The following ADGRL2 variants were observed in gnomAD, a reference collection of about 807,000 sequenced individuals.
The protein encoded by ADGRL2 is adhesion G protein-coupled receptor L2.
Under a neutral mutation model 157.4 loss-of-function variants are expected in ADGRL2, and 44 were observed. The observed-to-expected ratio is 0.28, with a 90% CI of 0.22 to 0.36. The LOEUF (loss-of-function observed/expected upper bound fraction) is 0.36. ADGRL2 is among the 10% of genes least tolerant of loss of function. The probability of loss-of-function intolerance (pLI) is 1.00; values close to 1 mark genes in which losing one functional copy is unlikely to be tolerated. For synonymous variants in ADGRL2, 585 were observed against 624.7 expected (o/e 0.94, Z 0.95); for missense variants, 1,510 against 1,768.9 (o/e 0.85, Z 2.63).
intron 1 of ADGRL2, among the ~76,000 whole-genome samples, chr1:81,433,783 A>T (rs2077363413): frequency 6.6e-6 from 1 of 152,180 alleles, no homozygotes; most frequent in African/African-American, 2.4e-5. Flanking sequence ...GATTGACTGG[A>T]CTCTGTTGGG....
At chr1:81,474,154 T>C (rs1009539975) in intron 2 of ADGRL2, among the ~76,000 whole-genome samples, 4 of 152,194 alleles carry the variant, frequency 2.6e-5, no homozygotes, top group African/African-American at 9.7e-5. Flanking sequence ...CGTTTGAGTT[T>C]GGATAGAATG....
At chr1:81,677,417 T>C (rs979809762) in intron 3 of ADGRL2, among the ~76,000 whole-genome samples, 3 of 152,204 alleles carry the variant, frequency 2.0e-5, no homozygotes, top group Non-Finnish European at 4.4e-5. Flanking sequence ...ATTGTTTATG[T>C]CACATTGCTA....
At chr1:81,443,752 TAA>T (rs2101692757) in intron 1 of ADGRL2, among the ~76,000 whole-genome samples, 1 of 152,324 alleles carries the variant, frequency 6.6e-6, no homozygotes, top group South Asian at 2.1e-4. Context: ...ATTCCTACCT[TAA>T]GTTAGTATTT....
intron 2 of ADGRL2, among the ~76,000 whole-genome samples, chr1:81,879,308 G>A (rs1464855917): frequency 6.6e-6 from 1 of 152,074 alleles, no homozygotes; most frequent in Non-Finnish European, 1.5e-5. Flanking sequence ...AGAATACTTA[G>A]AAGTAGTGTT....
chr1:81,539,205 T>C (rs189666285), intron 2 of ADGRL2, among the ~76,000 whole-genome samples: 1 of 152,156 alleles, frequency 6.6e-6, no homozygotes, highest in African/African-American at 2.4e-5. Flanking sequence ...TATTTTTGTG[T>C]CAGACTGTGT....
intron 2 of ADGRL2, among the ~76,000 whole-genome samples, chr1:81,460,775 A>C (rs1465317750): frequency 1.3e-5 from 2 of 152,204 alleles, no homozygotes; most frequent in Admixed American, 1.3e-4. Flanking sequence ...TTGCCTCTGA[A>C]TACTGTTCCT....
intron 2 of ADGRL2, among the ~76,000 whole-genome samples, chr1:81,535,423 G>A (rs2079711516): frequency 6.6e-6 from 1 of 152,130 alleles, no homozygotes; most frequent in African/African-American, 2.4e-5. Flanking sequence ...GTGTGAATGT[G>A]TGTGTAAGTG....
At chr1:81,632,900 G>C (rs66477359) in intron 3 of ADGRL2, among the ~76,000 whole-genome samples, 8,928 of 152,250 alleles carry the variant, frequency 0.059, 326 homozygotes, top group African/African-American at 0.1. Flanking sequence ...GAAGTCATTG[G>C]AGGGATTTGA....
intron 11 of ADGRL2, among the ~76,000 whole-genome samples, chr1:81,964,658 T>A (rs1656513743): frequency 6.6e-6 from 1 of 152,040 alleles, no homozygotes; most frequent in Non-Finnish European, 1.5e-5. Context: ...TATCCAAGAA[T>A]TACTGTACAA....
intron 2 of ADGRL2, among the ~76,000 whole-genome samples, chr1:81,508,994 A>C (rs558857935): frequency 1.1e-4 from 16 of 152,292 alleles, no homozygotes; most frequent in Admixed American, 2.0e-4. Context: ...TCTGTCTTTT[A>C]ATGTATGCAG....
chr1:81,395,226 A>G (rs1361418918), intron 1 of ADGRL2, among the ~76,000 whole-genome samples: 2 of 152,026 alleles, frequency 1.3e-5, no homozygotes, highest in East Asian at 3.9e-4. Flanking sequence ...TAGCCATTCT[A>G]TCTGGGGTGA....
At chr1:81,760,781 A>G (rs2085854386) in intron 1 of ADGRL2, among the ~76,000 whole-genome samples, 1 of 151,720 alleles carries the variant, frequency 6.6e-6, no homozygotes, top group South Asian at 2.1e-4. Flanking sequence ...GATAATCTTT[A>G]GAAATAAATT....
intron 2 of ADGRL2, among the ~76,000 whole-genome samples, chr1:81,574,918 A>C (rs993887691): frequency 1.3e-5 from 2 of 152,212 alleles, no homozygotes; most frequent in African/African-American, 4.8e-5. Flanking sequence ...GAATATTGTG[A>C]AATAAAGCTC....
At chr1:81,594,818 T>C (rs1570594196) in intron 3 of ADGRL2, among the ~76,000 whole-genome samples, 1 of 152,344 alleles carries the variant, frequency 6.6e-6, no homozygotes, top group East Asian at 1.9e-4. Context: ...ATTGAAAAAG[T>C]AAATCATTTT....
chr1:81,413,222 A>C (rs535850222), intron 1 of ADGRL2, among the ~76,000 whole-genome samples: 4 of 152,282 alleles, frequency 2.6e-5, no homozygotes, highest in Admixed American at 1.3e-4. Flanking sequence ...TAGATTTAGC[A>C]ATGAAAGCAG....
In ADGRL2 at chr1:81,531,126, A is replaced by G. The variant is rs535056895; in HGVS notation, c.-247-49750A>G. On this transcript the variant is annotated intron_variant, in intron 2 of 24. Transcript: ENST00000370721. Reference sequence around the variant, plus strand: ...AAGAAAGGTAAATGCCTAGCACTCTATATGATGCATGCCTGGTATGCAATA... The same window carrying G: ...AAGAAAGGTAAATGCCTAGCACTCTGTATGATGCATGCCTGGTATGCAATA... Among the ~76,000 whole-genome samples, 7 of 152,144 alleles carry G rather than the reference A, an allele frequency of 4.6e-5. No homozygotes were observed. In the South Asian group the frequency reaches 1.4e-3, roughly 31 times the overall value.
At chr1:81,538,806 A>G (rs1570432241) in intron 2 of ADGRL2, among the ~76,000 whole-genome samples, 1 of 152,206 alleles carries the variant, frequency 6.6e-6, no homozygotes, top group African/African-American at 2.4e-5. Context: ...GGAGTTCAAG[A>G]CCAGCCTTGG....
At chr1:81,553,651 A>C (rs996839511) in intron 2 of ADGRL2, among the ~76,000 whole-genome samples, 1 of 152,198 alleles carries the variant, frequency 6.6e-6, no homozygotes. Flanking sequence ...TTCAGCCAAA[A>C]AAAGACCATA....
chr1:81,618,507 GT>G (rs937565740), intron 3 of ADGRL2, among the ~76,000 whole-genome samples: 4 of 152,020 alleles, frequency 2.6e-5, no homozygotes, highest in African/African-American at 9.7e-5. Flanking sequence ...TTTTATGACA[GT>G]TTTTTTTCCT....
Sources: gnomAD v4.1 joint callset for allele counts (sites outside exome capture counted in the v4.1 genomes callset) on GRCh38, gnomAD v4.1.1 for gene constraint, MANE v1.5 for transcripts, NCBI Gene and HGNC (gene_info 2026-07-23, HGNC 2026-07-21) for gene names.